The following ROBO1 variants were observed in gnomAD, a reference collection of about 807,000 sequenced individuals.
The protein encoded by ROBO1 is roundabout homolog 1.
A neutral mutation model predicts 195.9 loss-of-function variants in ROBO1; 149 were observed. The ratio of observed to expected loss-of-function variants is 0.76; its 90% CI spans 0.67 to 0.87. The LOEUF (loss-of-function observed/expected upper bound fraction) is 0.87, where lower values mean the gene tolerates loss of function less well. ROBO1 is among the 40% of genes least tolerant of loss of function. The pLI is 0.00. For synonymous variants in ROBO1, 816 were observed against 733.2 expected, an observed-to-expected ratio of 1.11 and a Z score of -1.82; for missense variants, 1,933 against 2,068.3, an observed-to-expected ratio of 0.93 and a Z score of 1.27.
At chr3:78,712,888 G>C (rs1319322364) in intron 8 of ROBO1, among the ~76,000 whole-genome samples, 1 of 152,164 alleles carries the variant, frequency 6.6e-6, no homozygotes, top group Non-Finnish European at 1.5e-5. Context: ...CCAAGGTAAA[G>C]TACTTTAAAA....
At chr3:79,626,864 A>C (rs1945196128) in intron 1 of ROBO1, among the ~76,000 whole-genome samples, 1 of 152,162 alleles carries the variant, frequency 6.6e-6, no homozygotes, top group Non-Finnish European at 1.5e-5. Context: ...AACAACAGAC[A>C]AGCAGAGAGC....
intron 2 of ROBO1, among the ~76,000 whole-genome samples, chr3:79,447,398 G>A (rs907146592): frequency 6.6e-6 from 1 of 151,754 alleles, no homozygotes; most frequent in Non-Finnish European, 1.5e-5. Context: ...ACAAATGTCC[G>A]AAAATGGAAT....
At chr3:78,763,026 T>A (rs1233573464) in intron 4 of ROBO1, among the ~76,000 whole-genome samples, 1 of 152,118 alleles carries the variant, frequency 6.6e-6, no homozygotes, top group African/African-American at 2.4e-5. Flanking sequence ...AGACAAGCAC[T>A]TATTTTATTC....
At chr3:79,056,879 T>A (rs2078819724) in intron 3 of ROBO1, among the ~76,000 whole-genome samples, 1 of 152,114 alleles carries the variant, frequency 6.6e-6, no homozygotes, top group African/African-American at 2.4e-5. Flanking sequence ...TGTCTGTTTA[T>A]CTGGACCAAA....
At chr3:78,788,969 CTAAGAG>C (rs1331508676) in intron 4 of ROBO1, among the ~76,000 whole-genome samples, 2 of 152,058 alleles carry the variant, frequency 1.3e-5, no homozygotes, top group African/African-American at 4.8e-5. Context: ...ACCCCCAGAA[CTAAGAG>C]TAAAAGAATT....
At chr3:78,902,658 C>A (rs1425145775) in intron 4 of ROBO1, among the ~76,000 whole-genome samples, 1 of 152,010 alleles carries the variant, frequency 6.6e-6, no homozygotes, top group Admixed American at 6.6e-5. Flanking sequence ...GCCTGGCCAA[C>A]ATGATGAAAC....
chr3:78,750,552 C>T (rs1210604374), intron 4 of ROBO1, among the ~76,000 whole-genome samples: 1 of 151,630 alleles, frequency 6.6e-6, no homozygotes, highest in African/African-American at 2.4e-5. Flanking sequence ...AGCATATAAT[C>T]ACTACTTTTT....
At chr3:79,204,617 C>T (rs934755049) in intron 2 of ROBO1, among the ~76,000 whole-genome samples, 2 of 152,074 alleles carry the variant, frequency 1.3e-5, no homozygotes, top group Non-Finnish European at 2.9e-5. Flanking sequence ...TTAAGACCTG[C>T]CACAGATTGC....
chr3:79,495,286 C>T (rs1037828300), intron 2 of ROBO1, among the ~76,000 whole-genome samples: 6 of 151,844 alleles, frequency 4.0e-5, no homozygotes, highest in East Asian at 3.9e-4. Flanking sequence ...TAAAGAGGGG[C>T]GAACAATAAC....
At chr3:79,231,065 C>A (rs1385506102) in intron 2 of ROBO1, among the ~76,000 whole-genome samples, 1 of 152,002 alleles carries the variant, frequency 6.6e-6, no homozygotes, top group African/African-American at 2.4e-5. Context: ...ACACAAAAAT[C>A]AACTCAGGAT....
intron 1 of ROBO1, among the ~76,000 whole-genome samples, chr3:79,617,122 C>A (rs1176980390): frequency 6.6e-6 from 1 of 152,118 alleles, no homozygotes; most frequent in Admixed American, 6.5e-5. Context: ...GGACAAGGAA[C>A]TAGTGTATCC....
chr3:79,488,669 T>C (rs1460435341), intron 2 of ROBO1, among the ~76,000 whole-genome samples: 3 of 152,188 alleles, frequency 2.0e-5, no homozygotes, highest in Non-Finnish European at 2.9e-5. Flanking sequence ...AATTGACATC[T>C]TTTTCACTTA....
chr3:79,640,013 C>T (rs1205088432), intron 1 of ROBO1, among the ~76,000 whole-genome samples: 2 of 152,074 alleles, frequency 1.3e-5, no homozygotes, highest in African/African-American at 4.8e-5. Context: ...TTTTCTTCAT[C>T]ATCCAGGGAC....
intron 2 of ROBO1, among the ~76,000 whole-genome samples, chr3:79,543,183 G>A (rs1411633321): frequency 6.6e-6 from 1 of 151,964 alleles, no homozygotes; most frequent in Admixed American, 6.6e-5. Flanking sequence ...TACAGAACAC[G>A]CTTGGAATCA....
intron 2 of ROBO1, among the ~76,000 whole-genome samples, chr3:79,237,253 C>A (rs542872813): frequency 2.6e-5 from 4 of 152,028 alleles, no homozygotes; most frequent in African/African-American, 4.8e-5. Flanking sequence ...GAGCCCGAGG[C>A]GGGCGGATCA....
chr3:79,687,608 C>G (rs1451438852), intron 1 of ROBO1, among the ~76,000 whole-genome samples: 1 of 152,128 alleles, frequency 6.6e-6, no homozygotes, highest in Non-Finnish European at 1.5e-5. Context: ...ATCCAACAGA[C>G]ACATGAAAAA....
Position 78,836,368 on chromosome 3 carries a change from G to A in ROBO1, c.500-89468C>T, listed in dbSNP as rs188824091. Among the ~76,000 whole-genome samples the A allele has an allele frequency of 3.4e-3, 518 of 151,702 alleles. 1 individual carries two copies. The highest frequency in any genetic ancestry group is 4.8e-3 in the Non-Finnish European group (328 of 67,886). On this transcript the variant is annotated intron_variant, in intron 4 of 30. Coordinates refer to ENST00000464233, the MANE Select transcript of ROBO1 (RefSeq NM_002941.4). ...TCCACTAAAAATACAAAACATTAGC[G>A]GGGTGTGGTGGCGGGTGCCTGTAGT... is the stretch of plus-strand genomic sequence containing the variant.
intron 2 of ROBO1, among the ~76,000 whole-genome samples, chr3:79,575,208 CAGATATATATATATAACAA>C (rs1560007334): frequency 2.4e-4 from 13 of 53,240 alleles, no homozygotes; most frequent in African/African-American, 6.2e-4. Context: ...ATATATATAA[CAGATATATATATATAACAA>C]ATATATATAA....
intron 4 of ROBO1, among the ~76,000 whole-genome samples, chr3:78,837,134 A>T (rs563949992): frequency 6.6e-6 from 1 of 152,336 alleles, no homozygotes; most frequent in East Asian, 1.9e-4. Context: ...GATAATTAAA[A>T]CATTAAGTGT....
Sources: allele counts gnomAD v4.1 joint callset (sites outside exome capture counted in the v4.1 genomes callset), GRCh38; gene constraint gnomAD v4.1.1; transcripts MANE v1.5; gene names NCBI Gene and HGNC (gene_info 2026-07-23, HGNC 2026-07-21).